The following NALCN variants were observed in gnomAD, a reference collection of about 807,000 sequenced individuals.
NALCN encodes sodium leak channel NALCN.
Under a neutral mutation model 225.3 loss-of-function variants are expected in NALCN, and 111 were observed. That is an observed-to-expected ratio of 0.49 (90% confidence interval 0.42 to 0.58). The LOEUF is 0.58. NALCN is among the 20% of genes least tolerant of loss of function. NALCN has a pLI of 0.00. For synonymous variants in NALCN, 764 were observed against 769.0 expected, an observed-to-expected ratio of 0.99 and a Z score of 0.11; for missense variants, 1,378 against 2,202.4, an observed-to-expected ratio of 0.63 and a Z score of 7.49.
chr13:101,350,534 G>A (rs1005471962), intron 6 of NALCN, among the ~76,000 whole-genome samples: 2 of 151,930 alleles, frequency 1.3e-5, no homozygotes, highest in Non-Finnish European at 2.9e-5. Flanking sequence ...TGTTTGTGTG[G>A]TCATCTGTTC....
intron 11 of NALCN, among the ~76,000 whole-genome samples, chr13:101,256,100 T>C (rs914423954): frequency 6.6e-6 from 1 of 152,232 alleles, no homozygotes; most frequent in African/African-American, 2.4e-5. Context: ...TTTCCATTTC[T>C]GCCTTGACTC....
At chr13:101,412,801 T>C (rs2047828478) in intron 1 of NALCN, among the ~76,000 whole-genome samples, 1 of 152,228 alleles carries the variant, frequency 6.6e-6, no homozygotes, top group South Asian at 2.1e-4. Context: ...TTTCTCACTA[T>C]GTAAGCCCTT....
At chr13:101,334,977 T>G (rs955445414) in intron 7 of NALCN, among the ~76,000 whole-genome samples, 4 of 152,200 alleles carry the variant, frequency 2.6e-5, no homozygotes, top group Non-Finnish European at 5.9e-5. Flanking sequence ...TTATTTGAAG[T>G]ATTACTTTTT....
intron 12 of NALCN, among the ~76,000 whole-genome samples, chr13:101,232,173 C>T (rs1225827474): frequency 1.3e-5 from 2 of 151,894 alleles, no homozygotes; most frequent in Admixed American, 1.3e-4. Context: ...GACACCATAT[C>T]GGCCTCTGAA....
intron 1 of NALCN, among the ~76,000 whole-genome samples, 195 bp downstream of exon 1, chr13:101,416,117 CG>C (rs1371662313): frequency 2.0e-5 from 3 of 151,670 alleles, no homozygotes; most frequent in African/African-American, 7.2e-5. Context: ...CGGGTGGAGG[CG>C]CCCCTCCCCA....
chr13:101,151,230 T>C (rs759905007), intron 15 of NALCN, among the ~76,000 whole-genome samples: 16 of 152,236 alleles, frequency 1.1e-4, no homozygotes, highest in Non-Finnish European at 1.9e-4. Flanking sequence ...GTAATTGCTC[T>C]GCACGACACA....
intron 13 of NALCN, among the ~76,000 whole-genome samples, chr13:101,219,588 C>G (rs2140103738): frequency 6.6e-6 from 1 of 152,254 alleles, no homozygotes; most frequent in East Asian, 1.9e-4. Context: ...CATGATCATT[C>G]CTAACACTCA....
chr13:101,123,402 C>T (rs897053077), intron 18 of NALCN, among the ~76,000 whole-genome samples: 2 of 152,212 alleles, frequency 1.3e-5, no homozygotes, highest in Non-Finnish European at 2.9e-5. Flanking sequence ...GATGTAGGTG[C>T]AGCTGGAATC....
intron 9 of NALCN, among the ~76,000 whole-genome samples, chr13:101,284,613 C>T (rs1393812883): frequency 1.3e-5 from 2 of 152,132 alleles, no homozygotes; most frequent in Admixed American, 6.5e-5. Flanking sequence ...TTGCTTAATA[C>T]ACTTTGTGTA....
intron 30 of NALCN, 86 bp from the exon 31 acceptor site, chr13:101,083,890 G>A (rs1475073158): frequency 4.8e-6 from 6 of 1,255,864 alleles, no homozygotes; most frequent in Non-Finnish European, 6.8e-6. Flanking sequence ...AGACAAACAG[G>A]ACTGATGTGA....
intron 10 of NALCN, among the ~76,000 whole-genome samples, chr13:101,273,821 C>G (rs575126274): frequency 1.1e-4 from 16 of 145,994 alleles, no homozygotes; most frequent in African/African-American, 3.6e-4. Flanking sequence ...GGAGGCGGAG[C>G]TTTCAGTGAG....
intron 7 of NALCN, among the ~76,000 whole-genome samples, chr13:101,304,178 GT>G (rs2139111143): frequency 6.6e-6 from 1 of 152,098 alleles, no homozygotes; most frequent in Non-Finnish European, 1.5e-5. Flanking sequence ...TTTATTTTAA[GT>G]TTTTGTACTT....
At chr13:101,097,289 T>C (rs1385194797) in intron 27 of NALCN, among the ~76,000 whole-genome samples, 1 of 152,240 alleles carries the variant, frequency 6.6e-6, no homozygotes, top group Admixed American at 6.5e-5. Context: ...TATATGTATC[T>C]GAGCTCATAA....
chr13:101,058,059 G>T lies in NALCN; in HGVS notation c.4906-3C>A, dbSNP rs1203141133. ...AGGAGCTGCTGCTGGCTGCTTGTCT[G>T]CATGGGAGGAGAAGCACACAGTTAC... On this transcript the variant is annotated splice_region_variant and splice_polypyrimidine_tract_variant and intron_variant, in intron 42 of 43. Transcript: ENST00000251127. The T allele has an allele frequency of 6.8e-6, 11 of 1,610,586 alleles. No individual in the cohort carries two copies. The highest frequency in any genetic ancestry group is 8.5e-6 in the Non-Finnish European group (10 of 1,179,128).
intron 13 of NALCN, among the ~76,000 whole-genome samples, chr13:101,218,138 G>T (rs988774289): frequency 2.0e-5 from 3 of 151,996 alleles, no homozygotes; most frequent in South Asian, 2.1e-4. Context: ...GATAGAAAAG[G>T]TTTCCTGGTC....
At chr13:101,395,539 C>T (rs527547834) in intron 2 of NALCN, among the ~76,000 whole-genome samples, 174 bp from the exon 3 acceptor site, 2 of 152,104 alleles carry the variant, frequency 1.3e-5, no homozygotes, top group Admixed American at 1.3e-4. Context: ...AATATTTTCA[C>T]GTTTTTATAT....
intron 17 of NALCN, among the ~76,000 whole-genome samples, chr13:101,130,947 C>A (rs1360631799): frequency 1.3e-5 from 2 of 152,054 alleles, no homozygotes; most frequent in Non-Finnish European, 2.9e-5. Flanking sequence ...TTAGGGACAC[C>A]TATAATGCAG....
At chr13:101,245,344 G>T (rs555795909) in intron 11 of NALCN, among the ~76,000 whole-genome samples, 1 of 151,942 alleles carries the variant, frequency 6.6e-6, no homozygotes, top group South Asian at 2.1e-4. Context: ...ACAATGCATA[G>T]AAAAGAAGAG....
rs200497682 is a variant in NALCN at position 101,124,691 on chromosome 13, A to G, written c.2119-10T>C. 423 of 1,612,634 alleles carry G rather than the reference A, an allele frequency of 2.6e-4. No individual in the cohort carries two copies. The highest frequency in any genetic ancestry group is 6.6e-4 in the Middle Eastern group (4 of 6,080). Reference sequence around the variant, plus strand: ...AAACAGACTTGCGAAGCTGAAAATGATAAGAGTATGACTTTTAGTTTTGGA... The same window carrying G: ...AAACAGACTTGCGAAGCTGAAAATGGTAAGAGTATGACTTTTAGTTTTGGA... On this transcript the variant is annotated splice_polypyrimidine_tract_variant and intron_variant, in intron 17 of 43. Coordinates refer to ENST00000251127, the MANE Select transcript of NALCN (RefSeq NM_052867.4).
Sources: gnomAD v4.1 joint callset for allele counts (sites outside exome capture counted in the v4.1 genomes callset) on GRCh38, gnomAD v4.1.1 for gene constraint, MANE v1.5 for transcripts, NCBI Gene and HGNC (gene_info 2026-07-23, HGNC 2026-07-21) for gene names.